Variants in ADGB observed in about 807,000 individuals in gnomAD.
ADGB encodes the protein calpain-7-like protein.
ADGB carries 172 observed loss-of-function variants against 210.5 expected under a neutral mutation model. The ratio of observed to expected loss-of-function variants is 0.82; its 90% CI spans 0.72 to 0.93. The LOEUF is 0.93. Among genes scored for constraint, ADGB ranks in the 40% least tolerant of loss-of-function variants. The pLI is 0.00. For synonymous variants in ADGB, 658 were observed against 662.7 expected, an observed-to-expected ratio of 0.99 and a Z score of 0.11; for missense variants, 2,025 against 1,964.8, an observed-to-expected ratio of 1.03 and a Z score of -0.58.
At chr6:146,799,898 C>T (rs1245168705) in intron 33 of ADGB, among the ~76,000 whole-genome samples, 1 of 151,964 alleles carries the variant, frequency 6.6e-6, no homozygotes, top group Non-Finnish European at 1.5e-5. Context: ...CAACTTCTGC[C>T]GCCCGGGTTC....
intron 11 of ADGB, among the ~76,000 whole-genome samples, chr6:146,692,096 G>A (rs1776337396): frequency 6.6e-6 from 1 of 152,088 alleles, no homozygotes; most frequent in Admixed American, 6.6e-5. Flanking sequence ...AGGGCATTGA[G>A]GAATAGTTGA....
intron 7 of ADGB, among the ~76,000 whole-genome samples, chr6:146,670,767 G>A (rs533004219): frequency 2.6e-5 from 4 of 152,128 alleles, no homozygotes; most frequent in East Asian, 3.9e-4. Context: ...ACAGTGACAC[G>A]GAATGACTGG....
At chr6:146,768,201 A>T (rs1777603644) in intron 28 of ADGB, among the ~76,000 whole-genome samples, 1 of 152,218 alleles carries the variant, frequency 6.6e-6, no homozygotes, top group Admixed American at 6.5e-5. Flanking sequence ...AATTCAATGC[A>T]ATCCCAATCA....
chr6:146,785,861 A>G (rs1777865296), intron 32 of ADGB, 149 bp downstream of exon 32: 2 of 628,878 alleles, frequency 3.2e-6, no homozygotes, highest in Admixed American at 2.9e-5. Flanking sequence ...ACAATTTCAG[A>G]TAACTATATG....
chr6:146,616,605 A>G (rs1016790225), intron 1 of ADGB, among the ~76,000 whole-genome samples: 2 of 152,106 alleles, frequency 1.3e-5, no homozygotes, highest in African/African-American at 4.8e-5. Context: ...TGATCTTTGC[A>G]TATGGTGAAA....
At chr6:146,692,389 CAGTTT>C (rs1475357367) in intron 11 of ADGB, among the ~76,000 whole-genome samples, 1 of 152,154 alleles carries the variant, frequency 6.6e-6, no homozygotes, top group East Asian at 1.9e-4. Context: ...TACTTTGCTA[CAGTTT>C]TTGTTCTTCC....
At chr6:146,693,064 T>A (rs553665285) in intron 12 of ADGB, 149 bp downstream of exon 12, 24 of 547,692 alleles carry the variant, frequency 4.4e-5, no homozygotes, top group African/African-American at 4.4e-4. Context: ...AAAAGGACAT[T>A]TTCTTGACCT....
At chr6:146,769,158 G>T in intron 29 of ADGB, 27 bp downstream of exon 29, 2 of 1,139,668 alleles carry the variant, frequency 1.8e-6, no homozygotes, top group Non-Finnish European at 2.5e-6. Flanking sequence ...GTTTAAACAT[G>T]CACTTTACAT....
At position 146,715,415 on chromosome 6, in the gene ADGB, G is replaced by T. The variant is rs1307349840; in HGVS notation, c.1741G>T (p.Gly581Cys). 1 of 1,495,504 alleles carries T rather than the reference G, an allele frequency of 6.7e-7. No homozygotes were observed. Among genetic ancestry groups the T allele is most frequent in the Admixed American group, 2.7e-5 (1 of 37,360 alleles). The allele number at this position is 1,495,504 out of a possible 1,614,324, so 92.6% of individuals were successfully genotyped here. ...NTASQVILGK[G>C]TDEQTDFGLG... ...TGCTTCACAAGTTATACTTGGAAAA[G>T]GTAAATTAATAATTTTCCTGTGACT... The change falls in exon 14 of 36, where the codon GGC becomes TGC. Residue 581 changes from glycine (G) to cysteine (C), a missense_variant and splice_region_variant. By Grantham distance (159) the Gly-to-Cys change is radical. Coordinates refer to ENST00000397944, the MANE Select transcript of ADGB (RefSeq NM_024694.4).
Position 146,746,070 on chromosome 6 carries a change from G to A in ADGB, c.3326G>A (p.Arg1109Gln), listed in dbSNP as rs142245254. The change falls in exon 26 of 36, where the codon CGA becomes CAA. Residue 1109 changes from arginine to glutamine, a missense_variant. Arg to Gln is a conservative substitution (Grantham distance 43). Coordinates refer to ENST00000397944, the MANE Select transcript of ADGB (RefSeq NM_024694.4). ...AATTCCTTTGCCATAAAGGAAATCC[G>A]AGATTACTACATACCCAATGATAAG... is the stretch of plus-strand genomic sequence containing the variant. ...PCNSFAIKEI[R>Q]DYYIPNDKKI... The A allele has an allele frequency of 1.5e-3, 2,340 of 1,550,398 alleles. 6 individuals are homozygous for A. The highest frequency in any genetic ancestry group is 2.0e-3 in the Non-Finnish European group (2,248 of 1,146,186).
At chr6:146,798,929 C>A (rs932174866) in intron 33 of ADGB, among the ~76,000 whole-genome samples, 1 of 151,710 alleles carries the variant, frequency 6.6e-6, no homozygotes, top group Non-Finnish European at 1.5e-5. Context: ...ATGTTTTGGA[C>A]TATAAGACCT....
chr6:146,600,751 A>G (rs1265724707), intron 1 of ADGB, among the ~76,000 whole-genome samples: 1 of 150,984 alleles, frequency 6.6e-6, no homozygotes, highest in Non-Finnish European at 1.5e-5. Context: ...CCCAATAGGG[A>G]AGGCAGGGAT....
At chr6:146,794,765 C>T (rs1778015626) in intron 33 of ADGB, among the ~76,000 whole-genome samples, 1 of 151,936 alleles carries the variant, frequency 6.6e-6, no homozygotes, top group Non-Finnish European at 1.5e-5. Context: ...CAACTGAAGG[C>T]ATAAAACTAA....
intron 13 of ADGB, among the ~76,000 whole-genome samples, chr6:146,705,638 T>C (rs1468279478): frequency 6.6e-6 from 1 of 152,186 alleles, no homozygotes; most frequent in Non-Finnish European, 1.5e-5. Flanking sequence ...CACTTAATCA[T>C]GGTAAATGAT....
chr6:146,665,677 T>TA (rs1775928938), intron 6 of ADGB, among the ~76,000 whole-genome samples: 1 of 152,042 alleles, frequency 6.6e-6, no homozygotes, highest in African/African-American at 2.4e-5. Flanking sequence ...TATTATTGTT[T>TA]AAAAAATCCA....
At chr6:146,642,783 G>C (rs563793017) in intron 2 of ADGB, among the ~76,000 whole-genome samples, 7 of 151,888 alleles carry the variant, frequency 4.6e-5, no homozygotes, top group Non-Finnish European at 8.8e-5. Flanking sequence ...GGAAGAAAGA[G>C]AGGAGCAGAA....
chr6:146,760,646 G>T (rs1217379156), intron 27 of ADGB, among the ~76,000 whole-genome samples: 1 of 151,848 alleles, frequency 6.6e-6, no homozygotes, highest in Non-Finnish European at 1.5e-5. Context: ...GTATGTCAGT[G>T]TTTGACATAT....
chr6:146,782,780 G>A (rs1011296538), intron 30 of ADGB, among the ~76,000 whole-genome samples: 1 of 152,058 alleles, frequency 6.6e-6, no homozygotes, highest in Non-Finnish European at 1.5e-5. Context: ...TTCAGGGCCA[G>A]TTAGAAAATT....
intron 6 of ADGB, among the ~76,000 whole-genome samples, chr6:146,665,639 T>A (rs1009295134): frequency 6.6e-6 from 1 of 152,076 alleles, no homozygotes; most frequent in Non-Finnish European, 1.5e-5. Flanking sequence ...TCAGTAGAAA[T>A]TTATAGCAAC....
Sources: gnomAD v4.1 joint callset for allele counts (sites outside exome capture counted in the v4.1 genomes callset) on GRCh38, gnomAD v4.1.1 for gene constraint, MANE v1.5 for transcripts, NCBI Gene and HGNC (gene_info 2026-07-23, HGNC 2026-07-21) for gene names.